PROC: variants seen among roughly 807,000 people sequenced by gnomAD.
PROC encodes vitamin K-dependent protein C.
PROC carries 22 observed loss-of-function variants against 36.3 expected under a neutral mutation model. The ratio of observed to expected loss-of-function variants is 0.61; its 90% CI spans 0.43 to 0.86. The LOEUF (loss-of-function observed/expected upper bound fraction) is 0.86, where lower values mean the gene tolerates loss of function less well. PROC is among the 40% of genes least tolerant of loss of function. The probability of loss-of-function intolerance (pLI) is 0.00; values close to 1 mark genes in which losing one functional copy is unlikely to be tolerated. For synonymous variants in PROC, 218 were observed against 244.5 expected, an observed-to-expected ratio of 0.89 and a Z score of 1.01; for missense variants, 526 against 629.7, an observed-to-expected ratio of 0.84 and a Z score of 1.76.
At chr2:127,421,513 G>C (rs1417626954) in intron 3 of PROC, 64 bp downstream of exon 3, 1 of 1,587,686 alleles carries the variant, frequency 6.3e-7, no homozygotes, top group African/African-American at 1.3e-5. Flanking sequence ...CAGGGGCCTC[G>C]AGGAGCAGGT....
At position 127,428,895 on chromosome 2, in the gene PROC, C is replaced by G. The variant is rs121918157; in HGVS notation, c.1335C>G (p.Ile445Met). Residue 445 changes from isoleucine (I) to methionine (M), a missense_variant, in exon 9 of 9, where the codon ATC becomes ATG. Transcript: ENST00000234071. ...AAGTCAGCCGCTACCTCGACTGGAT[C>G]CATGGGCACATCAGAGACAAGGAAG... The part of the protein sequence containing the change: ...YTKVSRYLDW[I>M]HGHIRDKEAP... 7.4e-6 allele frequency: 12 copies of G among 1,613,868 alleles called. No individual in the cohort carries two copies. The highest frequency in any genetic ancestry group is 1.0e-5 in the Non-Finnish European group (12 of 1,180,042).
chr2:127,421,684 C>T (rs1360571529), intron 3 of PROC, among the ~76,000 whole-genome samples: 1 of 151,000 alleles, frequency 6.6e-6, no homozygotes, highest in Admixed American at 6.6e-5. Context: ...GGTGGGGACT[C>T]CCACCAGCCA....
chr2:127,424,772 G>C (rs1441509279), intron 6 of PROC, among the ~76,000 whole-genome samples: 1 of 152,238 alleles, frequency 6.6e-6, no homozygotes, highest in Non-Finnish European at 1.5e-5. Flanking sequence ...TGGTGGGCCT[G>C]TTGGCCTGTG....
At chr2:127,427,042 G>A (rs1462847113) in intron 7 of PROC, 63 bp from the exon 8 acceptor site, 20 of 1,413,536 alleles carry the variant, frequency 1.4e-5, no homozygotes, top group Non-Finnish European at 1.9e-5. Flanking sequence ...TGAAACCCAG[G>A]TGCCCTGGAC....
intron 6 of PROC, among the ~76,000 whole-genome samples, chr2:127,425,429 C>T (rs1159991883): frequency 6.6e-6 from 1 of 152,224 alleles, no homozygotes; most frequent in East Asian, 1.9e-4. Flanking sequence ...GACCTTTCAG[C>T]CCTCAGTTCT....
In PROC at chr2:127,428,424, C is replaced by T. The variant is rs768796120; in HGVS notation, c.864C>T (p.His288=). ...LDLDIKEVFV[H]PNYSKSTTDN... is the part of the protein sequence containing the mutation. ...TGGACATCAAGGAGGTCTTCGTCCA[C>T]CCCAACTACAGCAAGAGCACCACCG... Residue 288 remains histidine (H), a synonymous_variant, in exon 9 of 9, where the codon CAC becomes CAT. Transcript: ENST00000234071. 1 of 1,614,162 alleles carries T rather than the reference C, an allele frequency of 6.2e-7. No individual in the cohort carries two copies. Among genetic ancestry groups the T allele is most frequent in the Non-Finnish European group, 8.5e-7 (1 of 1,180,040 alleles).
rs886160565 is a variant in PROC, at chr2:127,426,310, G to A, written c.678+83G>A. On this transcript the variant is annotated intron_variant, in intron 7 of 8. Transcript: ENST00000234071. This position sits in a 1 kb window ranked among gnomAD's most constrained non-coding sequence, Gnocchi z 7.0. ...TCCTGGCAGCTATGCTCAGGGTGCA[G>A]AAACCGAGAGGGAAGCGCTGCCATT... The A allele has an allele frequency of 2.8e-4, 443 of 1,581,910 alleles. 1 individual carries two copies. The highest frequency in any genetic ancestry group is 5.4e-5 in the Non-Finnish European group (62 of 1,153,626).
chr2:127,419,735 G>GC, intron 1 of PROC, 187 bp from the exon 2 acceptor site: 2 of 1,369,856 alleles, frequency 1.5e-6, no homozygotes, highest in Non-Finnish European at 2.0e-6. Flanking sequence ...TGTGAGCTCA[G>GC]CCCCACGTAG....
chr2:127,424,773 T>C (rs995520278), intron 6 of PROC, among the ~76,000 whole-genome samples: 4 of 152,270 alleles, frequency 2.6e-5, no homozygotes, highest in Non-Finnish European at 4.4e-5. Context: ...GGTGGGCCTG[T>C]TGGCCTGTGG....
chr2:127,428,602 C>A lies in PROC; in HGVS notation c.1042C>A (p.Arg348=), dbSNP rs121918141. 6.2e-7 allele frequency: 1 copy of A among 1,613,924 alleles called. No individual in the cohort carries two copies. The highest frequency in any genetic ancestry group is 1.3e-5 in the African/African-American group (1 of 74,944). ...GACGGGCTGGGGCTACCACAGCAGCCGAGAGAAGGAGGCCAAGAGAAACCG... is the reference window on the plus strand; with the variant it reads ...GACGGGCTGGGGCTACCACAGCAGCAGAGAGAAGGAGGCCAAGAGAAACCG... The part of the protein sequence containing the change: ...LVTGWGYHSS[R]EKEAKRNRTF... Residue 348 remains arginine (R), a synonymous_variant, in exon 9 of 9, where the codon CGA becomes AGA. Coordinates refer to ENST00000234071, the MANE Select transcript of PROC (RefSeq NM_000312.4).
At chr2:127,419,862 G>C in intron 1 of PROC, 60 bp from the exon 2 acceptor site, 1 of 1,612,552 alleles carries the variant, frequency 6.2e-7, no homozygotes, top group East Asian at 2.2e-5. Context: ...TTCCACCTGG[G>C]GGTGCAGGCA....
At chr2:127,424,787 T>C (rs1281693554) in intron 6 of PROC, among the ~76,000 whole-genome samples, 1 of 152,258 alleles carries the variant, frequency 6.6e-6, no homozygotes, top group Non-Finnish European at 1.5e-5. Flanking sequence ...CCTGTGGGTT[T>C]CCTGCAAGGC....
In PROC at chr2:127,429,023, CT is replaced by C. The variant is rs997589614; in HGVS notation, c.*78del. On this transcript the variant is annotated 3_prime_UTR_variant, in exon 9 of 9. Transcript: ENST00000234071. ...AGGGACATGTAACAAGCACACCGGCCTGCTGTTCTGTCCTTCCATCCCTCTT... is the reference window on the plus strand; with the variant it reads ...AGGGACATGTAACAAGCACACCGGCCGCTGTTCTGTCCTTCCATCCCTCTT... 1.1e-5 allele frequency: 17 copies of C among 1,511,784 alleles called. No individual in the cohort carries two copies. The highest frequency in any genetic ancestry group is 1.7e-4 in the Middle Eastern group (1 of 5,896). 93.6% of individuals were successfully genotyped at this position (1,511,784 alleles called of 1,614,324 possible).
At chr2:127,419,802 C>A in intron 1 of PROC, 120 bp from the exon 2 acceptor site, 1 of 1,558,700 alleles carries the variant, frequency 6.4e-7, no homozygotes, top group Non-Finnish European at 8.7e-7. Context: ...ACCCTCAATC[C>A]CAGCTTCCGC....
chr2:127,421,534 T>C (rs1242295778), intron 3 of PROC, 85 bp downstream of exon 3: 1 of 1,490,500 alleles, frequency 6.7e-7, no homozygotes, highest in Non-Finnish European at 9.2e-7. Context: ...GGGGACTCAA[T>C]GCTGAGGCCC....
Position 127,428,489 on chromosome 2 carries a change from C to T in PROC, c.929C>T (p.Thr310Ile). 2.5e-6 allele frequency: 4 copies of T among 1,614,162 alleles called. No homozygotes were observed. The highest frequency in any genetic ancestry group is 3.4e-6 in the Non-Finnish European group (4 of 1,180,044). ...IALLHLAQPA[T>I]LSQTIVPICL... ...CTGCTGCACCTGGCCCAGCCCGCCA[C>T]CCTCTCGCAGACCATAGTGCCCATC... is the stretch of plus-strand genomic sequence containing the variant. The change falls in exon 9 of 9, where the codon ACC (threonine) becomes ATC (isoleucine). Residue 310 changes from threonine to isoleucine, a missense_variant. Coordinates refer to ENST00000234071, the MANE Select transcript of PROC (RefSeq NM_000312.4).
chr2:127,422,780 C>T (rs1233709074), intron 3 of PROC, 137 bp from the exon 4 acceptor site: 26 of 1,253,336 alleles, frequency 2.1e-5, no homozygotes, highest in Non-Finnish European at 2.5e-5. Context: ...TAGCAGCCAA[C>T]GACCATCGGG....
At chr2:127,424,452 GCCT>G (rs745461967) in intron 6 of PROC, among the ~76,000 whole-genome samples, 16 of 152,202 alleles carry the variant, frequency 1.1e-4, no homozygotes, top group Non-Finnish European at 2.1e-4. Flanking sequence ...ACCTGCCTTG[GCCT>G]CCTAAAGTGC....
intron 2 of PROC, 28 bp downstream of exon 2, chr2:127,420,040 ACCCTTGTGGCCTCTACAAGG>A (rs752597496): frequency 6.2e-7 from 1 of 1,611,204 alleles, no homozygotes; most frequent in South Asian, 1.1e-5. Context: ...CTACCCCGGG[ACCCTTGTGGCCTCTACAAGG>A]CCCTGGTGGG....
Sources: gnomAD v4.1 joint callset for allele counts (sites outside exome capture counted in the v4.1 genomes callset) on GRCh38, gnomAD v4.1.1 for gene constraint, Gnocchi (gnomAD v3.1) non-coding constraint, MANE v1.5 for transcripts, NCBI Gene and HGNC (gene_info 2026-07-23, HGNC 2026-07-21) for gene names.